TYR: variants seen among roughly 807,000 people sequenced by gnomAD.
TYR encodes LB24-AB.
Under a neutral mutation model 51.5 loss-of-function variants are expected in TYR, and 58 were observed. That is an observed-to-expected ratio of 1.13 (90% CI 0.91 to 1.40). The LOEUF (loss-of-function observed/expected upper bound fraction) is 1.40. Among genes scored for constraint, TYR ranks in the 40% most tolerant of loss-of-function variants. The probability of loss-of-function intolerance (pLI) is 0.00; values close to 1 mark genes in which losing one functional copy is unlikely to be tolerated. For missense variants in TYR, 732 were observed against 647.4 expected, an observed-to-expected ratio of 1.13 and a Z score of -1.42; for synonymous variants, 263 against 235.2, an observed-to-expected ratio of 1.12 and a Z score of -1.08.
At chr11:89,192,260 A>T (rs1943456049) in intron 2 of TYR, among the ~76,000 whole-genome samples, 1 of 152,150 alleles carries the variant, frequency 6.6e-6, no homozygotes, top group Non-Finnish European at 1.5e-5. Context: ...TTTCACTCAC[A>T]TAAATTTGCA....
intron 3 of TYR, among the ~76,000 whole-genome samples, chr11:89,278,848 T>C (rs187949159): frequency 6.6e-6 from 1 of 151,872 alleles, no homozygotes; most frequent in East Asian, 1.9e-4. Context: ...TCATTCTGTC[T>C]CCTTAGGTTC....
chr11:89,258,812 T>C (rs1944424404), intron 3 of TYR, among the ~76,000 whole-genome samples: 1 of 152,080 alleles, frequency 6.6e-6, no homozygotes, highest in Non-Finnish European at 1.5e-5. Context: ...GGGTCAAATC[T>C]AATACCAGAG....
intron 2 of TYR, among the ~76,000 whole-genome samples, chr11:89,223,889 T>C (rs912170176): frequency 6.7e-6 from 1 of 149,926 alleles, no homozygotes; most frequent in East Asian, 1.9e-4. Context: ...GACAAATTCC[T>C]TGTGCTTTTT....
chr11:89,218,358 T>C (rs1175730446), intron 2 of TYR, among the ~76,000 whole-genome samples: 2 of 152,164 alleles, frequency 1.3e-5, no homozygotes. Context: ...TGACATATTC[T>C]GCCCTCTTGA....
chr11:89,221,623 C>T (rs80168518), intron 2 of TYR, among the ~76,000 whole-genome samples: 3,112 of 152,204 alleles, frequency 0.02, 102 homozygotes, highest in African/African-American at 0.069. Flanking sequence ...TTGTGCATAA[C>T]CTTTTGAAGC....
In TYR at chr11:89,178,653, C is replaced by A. The variant is rs371810580; in HGVS notation, c.700C>A (p.Pro234Thr). The change falls in exon 1 of 5, where the codon CCA becomes ACA. Residue 234 changes from proline to threonine, a missense_variant. By Grantham distance (38) the Pro-to-Thr change is conservative (BLOSUM62 -1). Coordinates refer to ENST00000263321, the MANE Select transcript of TYR (RefSeq NM_000372.5). ...GACAGGAGATGAAAACTTCACTATTCCATATTGGGACTGGCGGGATGCAGA... is the reference window on the plus strand; with the variant it reads ...GACAGGAGATGAAAACTTCACTATTACATATTGGGACTGGCGGGATGCAGA... The part of the protein sequence containing the change: ...KLTGDENFTI[P>T]YWDWRDAEKC... 1 of 1,613,148 alleles carries A rather than the reference C, an allele frequency of 6.2e-7. No individual in the cohort carries two copies. Among genetic ancestry groups the A allele is most frequent in the African/African-American group, 1.3e-5 (1 of 74,858 alleles).
rs539728165 is a variant in TYR, at chr11:89,291,798, C to T, written c.1367-3345C>T. ...ATTTCTAAATAATAGGGAAATATTACTATCTGTTAATTCATCAAGTTTATC... is the reference window on the plus strand; with the variant it reads ...ATTTCTAAATAATAGGGAAATATTATTATCTGTTAATTCATCAAGTTTATC... On this transcript the variant is annotated intron_variant, in intron 4 of 4. Transcript: ENST00000263321. Among the ~76,000 whole-genome samples the T allele has an allele frequency of 5.3e-5, 8 of 152,010 alleles. No individual in the cohort carries two copies. The South Asian group carries it at 1.7e-3, about 31-fold the overall frequency.
intron 2 of TYR, among the ~76,000 whole-genome samples, chr11:89,205,763 G>A (rs1446804961): frequency 6.6e-6 from 1 of 151,990 alleles, no homozygotes; most frequent in East Asian, 1.9e-4. Context: ...TTAAGAAGAA[G>A]GGAAATGATA....
intron 2 of TYR, among the ~76,000 whole-genome samples, chr11:89,206,788 C>T (rs1943677841): frequency 6.6e-6 from 1 of 152,094 alleles, no homozygotes; most frequent in South Asian, 2.1e-4. Context: ...CTGTGTTCTC[C>T]TACCCCAATG....
At position 89,182,917 on chromosome 11, in the gene TYR, G is replaced by A. The variant is rs145893082; in HGVS notation, c.819+4145G>A. On this transcript the variant is annotated intron_variant, in intron 1 of 4. Coordinates refer to ENST00000263321, the MANE Select transcript of TYR (RefSeq NM_000372.5). ...ATACACATGAGTGAATTGTGACCAG[G>A]GAATTCACTCATCAGGTGAAAAGCA... Among the ~76,000 whole-genome samples the A allele has an allele frequency of 6.0e-3, 918 of 152,096 alleles. 5 individuals are homozygous for A. The highest frequency in any genetic ancestry group is 0.021 in the African/African-American group (883 of 41,510).
chr11:89,251,142 G>A (rs1477985278), intron 3 of TYR, among the ~76,000 whole-genome samples: 3 of 151,646 alleles, frequency 2.0e-5, no homozygotes, highest in African/African-American at 7.3e-5. Flanking sequence ...AAAACATATG[G>A]GTTTAATTCC....
At position 89,269,920 on chromosome 11, in the gene TYR, C is replaced by T. The variant is rs115320588; in HGVS notation, c.1185-14853C>T. On this transcript the variant is annotated intron_variant, in intron 3 of 4. Transcript: ENST00000263321. ...CCAGGTAGATGCTCCAAGTTTTTCCCAGTGGTCTCAGTAAAAGTAGGCTGT... is the reference window on the plus strand; with the variant it reads ...CCAGGTAGATGCTCCAAGTTTTTCCTAGTGGTCTCAGTAAAAGTAGGCTGT... Among the ~76,000 whole-genome samples, 318 of 151,942 alleles carry T rather than the reference C, an allele frequency of 2.1e-3. 1 individual carries two copies. The highest frequency in any genetic ancestry group is 7.3e-3 in the African/African-American group (302 of 41,506).
chr11:89,258,034 T>C (rs531268247), intron 3 of TYR, among the ~76,000 whole-genome samples: 261 of 152,134 alleles, frequency 1.7e-3, no homozygotes, highest in African/African-American at 6.0e-3. Context: ...AATTGTGTTT[T>C]GGTGCAAAGT....
intron 1 of TYR, among the ~76,000 whole-genome samples, chr11:89,183,307 A>G (rs1242280832): frequency 1.3e-5 from 2 of 152,080 alleles, no homozygotes; most frequent in Non-Finnish European, 2.9e-5. Flanking sequence ...TTGCGTTGAA[A>G]TAGAAAAAAA....
intron 3 of TYR, among the ~76,000 whole-genome samples, chr11:89,243,945 C>T (rs529761749): frequency 1.6e-3 from 236 of 151,936 alleles, no homozygotes; most frequent in Admixed American, 2.9e-3. Flanking sequence ...TATATTCAAA[C>T]GCAAATATAT....
In TYR at chr11:89,191,223, G is replaced by A. The variant is rs142629239; in HGVS notation, c.841G>A (p.Glu281Lys). 8 of 1,613,362 alleles carry A rather than the reference G, an allele frequency of 5.0e-6. No individual in the cohort carries two copies. The highest frequency in any genetic ancestry group is 6.8e-6 in the Non-Finnish European group (8 of 1,179,672). Residue 281 changes from glutamate (E) to lysine (K), a missense_variant, in exon 2 of 5, where the codon GAG (glutamate) becomes AAG (lysine). Physicochemically the swap from Glu to Lys is moderately conservative, Grantham distance 56. Transcript: ENST00000263321. Reference sequence around the variant, plus strand: ...ACAGATTGTCTGTAGCCGATTGGAGGAGTACAACAGCCATCAGTCTTTATG... The same window carrying A: ...ACAGATTGTCTGTAGCCGATTGGAGAAGTACAACAGCCATCAGTCTTTATG... ...SWQIVCSRLE[E>K]YNSHQSLCNG...
chr11:89,210,111 G>A (rs1323941353), intron 2 of TYR, among the ~76,000 whole-genome samples: 1 of 152,186 alleles, frequency 6.6e-6, no homozygotes, highest in Non-Finnish European at 1.5e-5. Flanking sequence ...ACTGGATGGA[G>A]AATGAGTTTG....
chr11:89,214,744 C>G (rs187392691), intron 2 of TYR, among the ~76,000 whole-genome samples: 1 of 152,120 alleles, frequency 6.6e-6, no homozygotes, highest in Non-Finnish European at 1.5e-5. Flanking sequence ...TGAAATAGCA[C>G]CAAATATCAG....
At chr11:89,207,111 A>G (rs896013017) in intron 2 of TYR, among the ~76,000 whole-genome samples, 2 of 152,032 alleles carry the variant, frequency 1.3e-5, no homozygotes, top group Admixed American at 6.6e-5. Context: ...AGAATGAAGG[A>G]AATAATAAAG....
Sources: gnomAD v4.1 joint callset for allele counts (sites outside exome capture counted in the v4.1 genomes callset) on GRCh38, gnomAD v4.1.1 for gene constraint, MANE v1.5 for transcripts, NCBI Gene and HGNC (gene_info 2026-07-23, HGNC 2026-07-21) for gene names.